WBP1L: variants seen among roughly 807,000 people sequenced by gnomAD.
WBP1L encodes WW domain binding protein 1 like.
Under a neutral mutation model 33.7 loss-of-function variants are expected in WBP1L, and 17 were observed. The observed-to-expected ratio is 0.50, with a 90% CI of 0.34 to 0.76. The LOEUF is 0.76. Ranked by LOEUF, WBP1L falls within the 30% of genes least tolerant of loss-of-function variation. The pLI, the probability that WBP1L is intolerant of heterozygous loss-of-function variation, is 0.01. For synonymous variants in WBP1L, 173 were observed against 190.8 expected (o/e 0.91, Z 0.77); for missense variants, 389 against 469.4 (o/e 0.83, Z 1.58).
At chr10:102,788,427 TGTAAAAATATAG>T (rs911784741) in intron 1 of WBP1L, among the ~76,000 whole-genome samples, 17 of 151,864 alleles carry the variant, frequency 1.1e-4, no homozygotes, top group African/African-American at 2.7e-4. Context: ...ACTTTCTAAT[TGTAAAAATATAG>T]GTAAAAATAT....
intron 2 of WBP1L, among the ~76,000 whole-genome samples, chr10:102,798,986 T>C (rs10748831): frequency 0.53 from 80,128 of 152,066 alleles, 21,950 homozygotes; most frequent in Middle Eastern, 0.63. Flanking sequence ...CACATGGAAG[T>C]TCCTGGAGGA....
In WBP1L at chr10:102,816,169, A is replaced by C. The variant is rs1843941059; in HGVS notation, c.*2838A>C. The stretch of plus-strand genomic sequence containing the variant: ...TTCAGCTGGTCAGACTTTTCTGGGC[A>C]GTCTCAGTGACGCATTTCCTGTGCT... On this transcript the variant is annotated 3_prime_UTR_variant, in exon 4 of 4. Coordinates refer to ENST00000448841, the MANE Select transcript of WBP1L (RefSeq NM_001083913.2). 1 of 152,666 alleles carries C rather than the reference A, an allele frequency of 6.6e-6. No individual in the cohort carries two copies. Among genetic ancestry groups the C allele is most frequent in the Admixed American group, 6.6e-5 (1 of 15,266 alleles). 9.5% of individuals were successfully genotyped at this position (152,666 alleles called of 1,614,324 possible).
intron 1 of WBP1L, among the ~76,000 whole-genome samples, chr10:102,765,199 C>G (rs1843092410): frequency 6.6e-6 from 1 of 152,124 alleles, no homozygotes; most frequent in Admixed American, 6.6e-5. Context: ...GTTACCAGCA[C>G]TAATGTTTAG....
At chr10:102,772,994 T>C (rs1266500170) in intron 1 of WBP1L, among the ~76,000 whole-genome samples, 3 of 151,320 alleles carry the variant, frequency 2.0e-5, no homozygotes, top group East Asian at 1.9e-4. Context: ...GGCGGATGAC[T>C]AAAGTCATTT....
At chr10:102,744,538 C>A in intron 1 of WBP1L, 1 of 961,926 alleles carries the variant, frequency 1.0e-6, no homozygotes, top group Non-Finnish European at 1.2e-6. Context: ...TTGAGTTGGC[C>A]TGTGAGGGAG....
chr10:102,748,022 C>T (rs1590163360), intron 1 of WBP1L, among the ~76,000 whole-genome samples: 1 of 151,706 alleles, frequency 6.6e-6, no homozygotes, highest in African/African-American at 2.4e-5. Flanking sequence ...TTTGGGAGGC[C>T]GAGGCAGGCG....
At chr10:102,745,087 C>A (rs997705513) in intron 1 of WBP1L, among the ~76,000 whole-genome samples, 1 of 152,262 alleles carries the variant, frequency 6.6e-6, no homozygotes, top group East Asian at 1.9e-4. Context: ...ACTTTCTGTT[C>A]TTTTCCCCGT....
At chr10:102,795,779 G>A (rs953921475) in intron 1 of WBP1L, among the ~76,000 whole-genome samples, 26 of 152,328 alleles carry the variant, frequency 1.7e-4, no homozygotes, top group African/African-American at 6.3e-4. Flanking sequence ...CATTCGCAGG[G>A]CCTGGTAAAC....
chr10:102,787,315 C>T (rs1843429080), intron 1 of WBP1L, among the ~76,000 whole-genome samples: 1 of 152,182 alleles, frequency 6.6e-6, no homozygotes, highest in Non-Finnish European at 1.5e-5. Flanking sequence ...AGACTGGGCA[C>T]AGTGGCTCCC....
intron 1 of WBP1L, among the ~76,000 whole-genome samples, chr10:102,764,769 G>A (rs1199126089): frequency 4.6e-5 from 7 of 152,182 alleles, no homozygotes; most frequent in Admixed American, 4.6e-4. Flanking sequence ...AAGGAGAGAG[G>A]ACATAATATT....
intron 1 of WBP1L, among the ~76,000 whole-genome samples, chr10:102,748,100 C>CAA (rs1282716235): frequency 6.6e-6 from 1 of 151,754 alleles, no homozygotes; most frequent in Non-Finnish European, 1.5e-5. Flanking sequence ...ACTAAAAATA[C>CAA]AAAAAATTAG....
rs530510180 is a variant in WBP1L, at chr10:102,783,493, C to T, written c.91-14500C>T. 1.4e-3 allele frequency among the ~76,000 whole-genome samples: 219 copies of T among 152,284 alleles called. 3 individuals carry two copies. Among genetic ancestry groups the T allele is most frequent in the African/African-American group, 5.1e-3 (211 of 41,556 alleles). On this transcript the variant is annotated intron_variant, in intron 1 of 3. Coordinates refer to ENST00000448841, the MANE Select transcript of WBP1L (RefSeq NM_001083913.2). ...GTGAGACTGACATCAGTCCTGCCCA[C>T]GGGGAATTTAGAGCGGGGTGGTGGC... is the stretch of plus-strand genomic sequence containing the variant.
chr10:102,805,045 G>A (rs571731460), intron 2 of WBP1L, among the ~76,000 whole-genome samples: 2 of 152,154 alleles, frequency 1.3e-5, no homozygotes, highest in African/African-American at 4.8e-5. Flanking sequence ...CACTTTGGGA[G>A]CCAAGGTGGG....
At chr10:102,775,692 CG>C (rs1198328960) in intron 1 of WBP1L, among the ~76,000 whole-genome samples, 2 of 152,098 alleles carry the variant, frequency 1.3e-5, no homozygotes, top group African/African-American at 4.8e-5. Context: ...TCCAAGCCCC[CG>C]CTGCGAATTG....
intron 1 of WBP1L, among the ~76,000 whole-genome samples, chr10:102,756,820 G>A (rs575711215): frequency 1.3e-5 from 2 of 152,012 alleles, no homozygotes; most frequent in Admixed American, 6.5e-5. Context: ...TGTAATCCCA[G>A]TACTTTGGGA....
chr10:102,807,535 A>G (rs536795513), intron 2 of WBP1L, among the ~76,000 whole-genome samples: 10 of 152,066 alleles, frequency 6.6e-5, no homozygotes, highest in East Asian at 1.9e-4. Flanking sequence ...ATGCCCAGCT[A>G]ATTTTTGTAT....
chr10:102,754,461 C>T lies in WBP1L; in HGVS notation c.90+10318C>T, dbSNP rs558080580. Among the ~76,000 whole-genome samples, 160 of 152,214 alleles carry T rather than the reference C, an allele frequency of 1.1e-3. 1 individual carries two copies. The highest frequency in any genetic ancestry group is 8.5e-3 in the South Asian group (41 of 4,824). ...TTGCCCAAGCTGGAGTGCAGCGGTG[C>T]GATCTCAGCTCACTGCAACCTCCGC... On this transcript the variant is annotated intron_variant, in intron 1 of 3. Coordinates refer to ENST00000448841, the MANE Select transcript of WBP1L (RefSeq NM_001083913.2).
At chr10:102,772,442 G>C (rs979996824) in intron 1 of WBP1L, among the ~76,000 whole-genome samples, 1 of 148,574 alleles carries the variant, frequency 6.7e-6, no homozygotes, top group Non-Finnish European at 1.5e-5. Context: ...TCTATTTTTA[G>C]TAGAGATGGG....
At chr10:102,789,479 G>A (rs1836016731) in intron 1 of WBP1L, among the ~76,000 whole-genome samples, 1 of 152,156 alleles carries the variant, frequency 6.6e-6, no homozygotes, top group South Asian at 2.1e-4. Context: ...GTCTGGTTAA[G>A]CTGGCTCTTT....
Sources: gnomAD v4.1 joint callset for allele counts (sites outside exome capture counted in the v4.1 genomes callset) on GRCh38, gnomAD v4.1.1 for gene constraint, MANE v1.5 for transcripts, NCBI Gene and HGNC (gene_info 2026-07-23, HGNC 2026-07-21) for gene names.